The following IL1RAP variants were observed in gnomAD, a reference collection of about 807,000 sequenced individuals.
The protein encoded by IL1RAP is interleukin 1 receptor accessory protein.
Under a neutral mutation model 60.7 loss-of-function variants are expected in IL1RAP, and 35 were observed. The observed-to-expected ratio is 0.58, with a 90% CI of 0.44 to 0.76. The LOEUF is 0.76. IL1RAP is among the 30% of genes least tolerant of loss of function. The pLI is 0.00. For missense variants in IL1RAP, 572 were observed against 693.9 expected (o/e 0.82, Z 1.97); for synonymous variants, 268 against 250.9 (o/e 1.07, Z -0.64).
chr3:190,553,537 C>T (rs1725057605), intron 1 of IL1RAP, among the ~76,000 whole-genome samples: 1 of 152,122 alleles, frequency 6.6e-6, no homozygotes. Context: ...GGTTGAACCC[C>T]TTGGCCAAGG....
rs956092437 is a variant in IL1RAP, at chr3:190,650,734, C to T, written c.*2029C>T. Reference sequence around the variant, plus strand: ...TTTTTTTAGCCTTATTAATATTTTTCCCTATTAGAAACCACAATTACTCCC... The same window carrying T: ...TTTTTTTAGCCTTATTAATATTTTTTCCTATTAGAAACCACAATTACTCCC... On this transcript the variant is annotated 3_prime_UTR_variant, in exon 12 of 12. Coordinates refer to ENST00000447382, the MANE Select transcript of IL1RAP (RefSeq NM_002182.4). 1.0e-6 allele frequency: 1 copy of T among 982,112 alleles called. No homozygotes were observed. The highest frequency in any genetic ancestry group is 1.2e-6 in the Non-Finnish European group (1 of 827,206). 60.8% of individuals were successfully genotyped at this position (982,112 alleles called of 1,614,324 possible). A position where few individuals can be genotyped will look rare whatever the true frequency, so the allele number is the denominator to read the frequency against.
intron 1 of IL1RAP, among the ~76,000 whole-genome samples, chr3:190,550,130 A>G (rs907084147): frequency 7.9e-5 from 12 of 152,198 alleles, no homozygotes; most frequent in African/African-American, 2.9e-4. Context: ...AATAGGAAGT[A>G]TCTTCTCTCA....
chr3:190,598,689 T>C lies in IL1RAP; in HGVS notation c.65-5439T>C, dbSNP rs140466199. Among the ~76,000 whole-genome samples, 536 of 152,280 alleles carry C rather than the reference T, an allele frequency of 3.5e-3. 2 individuals are homozygous for C. The highest frequency in any genetic ancestry group is 6.8e-3 in the Middle Eastern group (2 of 292). ...CAACTTGGATGTCTTATTTATCTCTTCTAATATTTCCCATCTATATTTTGC... is the reference window on the plus strand; with the variant it reads ...CAACTTGGATGTCTTATTTATCTCTCCTAATATTTCCCATCTATATTTTGC... On this transcript the variant is annotated intron_variant, in intron 3 of 11. Coordinates refer to ENST00000447382, the MANE Select transcript of IL1RAP (RefSeq NM_002182.4).
intron 1 of IL1RAP, among the ~76,000 whole-genome samples, chr3:190,533,316 G>T (rs770532612): frequency 2.6e-5 from 4 of 152,206 alleles, no homozygotes. Flanking sequence ...TAGACATCTA[G>T]TTGGCAAGGA....
chr3:190,617,630 C>CT (rs1250431977), intron 5 of IL1RAP, among the ~76,000 whole-genome samples: 3 of 152,222 alleles, frequency 2.0e-5, no homozygotes, highest in East Asian at 1.9e-4. Context: ...GAATCTAAAT[C>CT]TTTTTTTATG....
intron 1 of IL1RAP, among the ~76,000 whole-genome samples, chr3:190,525,484 T>C (rs1366011639): frequency 2.0e-5 from 3 of 152,172 alleles, no homozygotes. Flanking sequence ...ACGCAAAGTG[T>C]AGCAGGAAGT....
At chr3:190,571,123 T>A (rs540073221) in intron 3 of IL1RAP, among the ~76,000 whole-genome samples, 2 of 150,374 alleles carry the variant, frequency 1.3e-5, no homozygotes, top group African/African-American at 5.0e-5. Flanking sequence ...CGATCATGAT[T>A]TTTTTTATGT....
At chr3:190,651,633 T>C (rs1439205538), downstream of IL1RAP, 2 of 154,620 alleles carry the variant, frequency 1.3e-5, no homozygotes, top group African/African-American at 4.8e-5. Flanking sequence ...TTACATTAGT[T>C]AAGTGTCTTT....
intron 1 of IL1RAP, among the ~76,000 whole-genome samples, chr3:190,548,677 G>A (rs1460771086): frequency 1.3e-5 from 2 of 152,278 alleles, no homozygotes; most frequent in South Asian, 4.1e-4. Context: ...TCTAAGACAG[G>A]TGTAGGTATC....
chr3:190,558,479 CTGAAAGG>C (rs1236691830), intron 2 of IL1RAP, among the ~76,000 whole-genome samples: 3 of 152,064 alleles, frequency 2.0e-5, no homozygotes, highest in African/African-American at 7.2e-5. Context: ...TTTAGTCATT[CTGAAAGG>C]TGTATTGTGG....
At chr3:190,655,149 A>G (rs1190732704), downstream of IL1RAP, among the ~76,000 whole-genome samples, 2 of 152,220 alleles carry the variant, frequency 1.3e-5, no homozygotes, top group South Asian at 4.1e-4. Flanking sequence ...ATCAAAGGAT[A>G]TAACTGAGAA....
chr3:190,659,443 G>A (rs569796153), exon 12 of IL1RAP: 1 of 152,208 alleles, frequency 6.6e-6, no homozygotes, highest in Non-Finnish European at 1.5e-5. Flanking sequence ...AGGATCAGAG[G>A]TTATATTATT....
In IL1RAP at chr3:190,650,197, G is replaced by A; in HGVS notation, c.*1492G>A. ...TTTTTACTGGAATGTTTTTGTGTCAGTGTTTTCTGTACATATTATTTGTTA... is the reference window on the plus strand; with the variant it reads ...TTTTTACTGGAATGTTTTTGTGTCAATGTTTTCTGTACATATTATTTGTTA... On this transcript the variant is annotated 3_prime_UTR_variant, in exon 12 of 12. Coordinates refer to ENST00000447382, the MANE Select transcript of IL1RAP (RefSeq NM_002182.4). 2 of 984,198 alleles carry A rather than the reference G, an allele frequency of 2.0e-6. No individual in the cohort carries two copies. The highest frequency in any genetic ancestry group is 2.4e-6 in the Non-Finnish European group (2 of 828,884). The allele number at this position is 984,198 out of a possible 1,614,324, so 61.0% of individuals were successfully genotyped here. A position where few individuals can be genotyped will look rare whatever the true frequency, so the allele number is the denominator to read the frequency against.
In IL1RAP at chr3:190,620,968, T is replaced by G. The variant is rs764614304; in HGVS notation, c.703+528T>G. The stretch of plus-strand genomic sequence containing the variant: ...ATTTGCTGGCAATAATGTTCAACCA[T>G]TATTTTGCACTAAGAGAATAGGGGG... On this transcript the variant is annotated intron_variant, in intron 6 of 11. Coordinates refer to ENST00000447382, the MANE Select transcript of IL1RAP (RefSeq NM_002182.4). 2.9e-4 allele frequency among the ~76,000 whole-genome samples: 44 copies of G among 152,172 alleles called. 1 individual carries two copies. Among genetic ancestry groups the G allele is most frequent in the Non-Finnish European group, 7.4e-5 (5 of 68,018 alleles).
intron 9 of IL1RAP, among the ~76,000 whole-genome samples, chr3:190,635,741 A>G (rs1303385578): frequency 1.2e-4 from 18 of 152,312 alleles, no homozygotes; most frequent in Admixed American, 1.0e-3. Context: ...TATTTGTAAC[A>G]TTTCATATTG....
At chr3:190,644,641 C>A (rs926640374) in intron 10 of IL1RAP, among the ~76,000 whole-genome samples, 1 of 152,020 alleles carries the variant, frequency 6.6e-6, no homozygotes, top group Non-Finnish European at 1.5e-5. Flanking sequence ...ATAATGCGAG[C>A]CACTTACCTA....
At chr3:190,606,097 G>A (rs573881563) in intron 4 of IL1RAP, among the ~76,000 whole-genome samples, 1 of 151,974 alleles carries the variant, frequency 6.6e-6, no homozygotes, top group Admixed American at 6.6e-5. Context: ...CAGGTAAGGG[G>A]GATCCCTGTA....
At chr3:190,592,748 ACT>A (rs1369650878) in intron 3 of IL1RAP, among the ~76,000 whole-genome samples, 2 of 152,156 alleles carry the variant, frequency 1.3e-5, no homozygotes, top group African/African-American at 4.8e-5. Context: ...TGATTTTATA[ACT>A]CTAAGTATTG....
chr3:190,655,906 T>G (rs1734604888), downstream of IL1RAP: 1 of 1,537,120 alleles, frequency 6.5e-7, no homozygotes, highest in African/African-American at 1.4e-5. Context: ...GGAAGCAGTT[T>G]TTGATTTCAT....
Sources: allele counts gnomAD v4.1 joint callset (sites outside exome capture counted in the v4.1 genomes callset), GRCh38; gene constraint gnomAD v4.1.1; transcripts MANE v1.5; gene names NCBI Gene and HGNC (gene_info 2026-07-23, HGNC 2026-07-21).